ENOX2: variants seen among roughly 807,000 people sequenced by gnomAD.
The protein encoded by ENOX2 is APK1 antigen.
ENOX2 carries 36 observed loss-of-function variants against 45.0 expected under a neutral mutation model. That is an observed-to-expected ratio of 0.80 (90% CI 0.61 to 1.06). The LOEUF (loss-of-function observed/expected upper bound fraction) is 1.06, where lower values mean the gene tolerates loss of function less well. ENOX2 is among the 50% of genes least tolerant of loss of function. The pLI is 0.00. For missense variants in ENOX2, 423 were observed against 462.5 expected (o/e 0.91, Z 0.78); for synonymous variants, 174 against 152.3 (o/e 1.14, Z -1.05).
chrX:130,778,087 G>A (rs189236973), intron 3 of ENOX2, among the ~76,000 whole-genome samples: 5 of 111,741 alleles, frequency 4.5e-5, no homozygotes, highest in African/African-American at 1.3e-4. Context: ...TTCATCTGTG[G>A]ACTTCAAAGT....
intron 6 of ENOX2, among the ~76,000 whole-genome samples, chrX:130,677,863 G>A (rs909856731): frequency 9.0e-6 from 1 of 110,849 alleles, no homozygotes; most frequent in Admixed American, 9.6e-5. Context: ...GAGGTGGGTG[G>A]ATCACCTGAG....
intron 2 of ENOX2, among the ~76,000 whole-genome samples, chrX:130,901,243 T>A (rs192428340): frequency 8.9e-6 from 1 of 112,478 alleles, no homozygotes; most frequent in Non-Finnish European, 1.9e-5. Flanking sequence ...AGAAAGAACA[T>A]TGGGAGCAGC....
chrX:130,734,368 G>A (rs890751447), intron 3 of ENOX2, among the ~76,000 whole-genome samples: 3 of 111,777 alleles, frequency 2.7e-5, no homozygotes, highest in Non-Finnish European at 5.6e-5. Context: ...AAGCAGAGTG[G>A]ATCTCAGGGG....
At chrX:130,877,537 G>C (rs2078728081) in intron 2 of ENOX2, among the ~76,000 whole-genome samples, 5 of 111,878 alleles carry the variant, frequency 4.5e-5, no homozygotes, top group African/African-American at 1.6e-4. Context: ...TTTGGCTTAA[G>C]TCCATGAATG....
chrX:130,777,036 G>A (rs2039872449), intron 3 of ENOX2, among the ~76,000 whole-genome samples: 1 of 111,810 alleles, frequency 8.9e-6, no homozygotes, highest in South Asian at 3.8e-4. Context: ...GCATTTCCAG[G>A]TTACAGATAC....
chrX:130,806,610 C>T (rs1169326387), intron 2 of ENOX2, among the ~76,000 whole-genome samples: 1 of 112,025 alleles, frequency 8.9e-6, no homozygotes, highest in African/African-American at 3.2e-5. Context: ...GGGCTTTGTG[C>T]TAATCATTCA....
At chrX:130,833,308 T>C (rs1209133527) in intron 2 of ENOX2, among the ~76,000 whole-genome samples, 1 of 111,078 alleles carries the variant, frequency 9.0e-6, no homozygotes, top group African/African-American at 3.3e-5. Context: ...TGGGGGACTA[T>C]GGAAAGGGGA....
Position 130,627,967 on chromosome X carries a change from A to C in ENOX2, c.1605T>G (p.Leu535=). 3 of 1,199,745 alleles carry C rather than the reference A, an allele frequency of 2.5e-6. No homozygotes were observed. Among genetic ancestry groups the C allele is most frequent in the Non-Finnish European group, 3.4e-6 (3 of 884,828 alleles). ...IEYICSYLHR[L]DNKICTSDVE... is the part of the protein sequence containing the mutation. ...TTAGGCCCCCATATACCTTATTATC[A>C]AGACGGTGCAAGTAGGAACAGATGT... The change falls in exon 14 of 15, where the codon CTT becomes CTG. Residue 535 remains leucine (L), a synonymous_variant. Transcript: ENST00000394363.
At chrX:130,801,024 A>G (rs983958625) in intron 2 of ENOX2, among the ~76,000 whole-genome samples, 2 of 112,303 alleles carry the variant, frequency 1.8e-5, no homozygotes, top group African/African-American at 6.5e-5. Flanking sequence ...CTATCCAATC[A>G]CTATGTTCAA....
chrX:130,839,847 G>A (rs1183960762), intron 2 of ENOX2, among the ~76,000 whole-genome samples: 1 of 111,846 alleles, frequency 8.9e-6, no homozygotes, highest in Non-Finnish European at 1.9e-5. Context: ...CAATAAATAT[G>A]TTTAAAATTT....
rs1015751661 is a variant in ENOX2 at position 130,891,497 on chromosome X, T to G, written c.-183+10187A>C. Among the ~76,000 whole-genome samples the G allele has an allele frequency of 9.7e-3, 876 of 90,425 alleles. 19 individuals are homozygous for G. Among genetic ancestry groups the G allele is most frequent in the African/African-American group, 0.035 (822 of 23,682 alleles). 78.5% of individuals were successfully genotyped at this position (90,425 alleles called of 115,157 possible). On this transcript the variant is annotated intron_variant, in intron 2 of 14. Transcript: ENST00000394363. ...ACAATACAACACTATATGGTTTTTT[T>G]TTTTTTTTTTTTTTTTTTTTTGAGA...
At chrX:130,760,905 T>C (rs1268879303) in intron 3 of ENOX2, among the ~76,000 whole-genome samples, 1 of 108,391 alleles carries the variant, frequency 9.2e-6, no homozygotes, top group Non-Finnish European at 1.9e-5. Context: ...TCAAATTCTT[T>C]TTCTGCATTG....
At chrX:130,752,694 C>A (rs2039254903) in intron 3 of ENOX2, among the ~76,000 whole-genome samples, 1 of 111,145 alleles carries the variant, frequency 9.0e-6, no homozygotes, top group South Asian at 3.8e-4. Flanking sequence ...GTCTCTTAGT[C>A]TATCAGGCTT....
chrX:130,806,108 C>A (rs755952428), intron 2 of ENOX2, among the ~76,000 whole-genome samples: 43 of 111,723 alleles, frequency 3.8e-4, no homozygotes, highest in Admixed American at 1.0e-3. Context: ...CTATGAATCA[C>A]AGATGACAGA....
chrX:130,830,189 C>T (rs923517387), intron 2 of ENOX2, among the ~76,000 whole-genome samples: 3 of 111,142 alleles, frequency 2.7e-5, no homozygotes, highest in Non-Finnish European at 5.7e-5. Flanking sequence ...TGGACCTGCA[C>T]CTGAGCTACT....
At chrX:130,867,278 T>C (rs970550606) in intron 2 of ENOX2, among the ~76,000 whole-genome samples, 1 of 111,822 alleles carries the variant, frequency 8.9e-6, no homozygotes, top group Non-Finnish European at 1.9e-5. Flanking sequence ...GGTAAATATA[T>C]AGTTGGAAAA....
At chrX:130,820,301 T>C (rs2077573065) in intron 2 of ENOX2, among the ~76,000 whole-genome samples, 1 of 112,143 alleles carries the variant, frequency 8.9e-6, no homozygotes. Context: ...ATCAAAAAGA[T>C]GAAAGATAAC....
intron 2 of ENOX2, among the ~76,000 whole-genome samples, chrX:130,893,417 A>G (rs952241294): frequency 8.9e-6 from 1 of 112,474 alleles, no homozygotes; most frequent in Admixed American, 9.4e-5. Context: ...TCAAAGAAGT[A>G]AAAAATACAG....
chrX:130,776,696 G>A (rs1435059927), intron 3 of ENOX2, among the ~76,000 whole-genome samples: 2 of 111,518 alleles, frequency 1.8e-5, no homozygotes, highest in East Asian at 5.6e-4. Flanking sequence ...ATGAAAGAAT[G>A]GCCTAACACA....
Sources: allele counts gnomAD v4.1 joint callset (sites outside exome capture counted in the v4.1 genomes callset), GRCh38; gene constraint gnomAD v4.1.1; transcripts MANE v1.5; gene names NCBI Gene and HGNC (gene_info 2026-07-23, HGNC 2026-07-21).